Variants in PDE6B observed in about 807,000 individuals in gnomAD.
PDE6B encodes the protein phosphodiesterase 6B, also known as rod cGMP-specific 3',5'-cyclic phosphodiesterase subunit beta.
In PDE6B, 106 loss-of-function variants were observed where a neutral mutation model predicts 109.0. The ratio of observed to expected loss-of-function variants is 0.97; its 90% CI spans 0.83 to 1.14. The LOEUF (loss-of-function observed/expected upper bound fraction) is 1.14. PDE6B is among the 50% of genes most tolerant of loss of function. The probability of loss-of-function intolerance (pLI) is 0.00; values close to 1 mark genes in which losing one functional copy is unlikely to be tolerated. For missense variants in PDE6B, 1,193 were observed against 1,155.6 expected (o/e 1.03, Z -0.47); for synonymous variants, 490 against 471.3 (o/e 1.04, Z -0.51).
intron 3 of PDE6B, among the ~76,000 whole-genome samples, chr4:650,063 C>A (rs905417764): frequency 6.6e-6 from 1 of 152,158 alleles, no homozygotes; most frequent in Non-Finnish European, 1.5e-5. Context: ...CCAGGCTGCT[C>A]GAACCATCCC....
Position 625,883 on chromosome 4 carries a change from T to A in PDE6B, c.257T>A (p.Leu86His). 6.2e-7 allele frequency: 1 copy of A among 1,606,686 alleles called. No individual in the cohort carries two copies. Among genetic ancestry groups the A allele is most frequent in the Non-Finnish European group, 8.5e-7 (1 of 1,177,282 alleles). Reference protein sequence around the residue: ...VFKVLRRLCTLLQADRCSLFM... With the variant: ...VFKVLRRLCTHLQADRCSLFM... ...AAGGTCCTGCGGCGCCTCTGCACCC[T>A]CCTGCAGGCCGACCGCTGCAGCCTC... The change falls in exon 1 of 22, where the codon CTC becomes CAC. Residue 86 changes from leucine (L) to histidine (H), a missense_variant. Physicochemically the swap from Leu to His is moderately conservative, Grantham distance 99. Transcript: ENST00000496514. This position sits in a 1 kb window ranked among gnomAD's most constrained non-coding sequence, Gnocchi z 5.0.
At chr4:631,326 C>A (rs1734372735) in intron 1 of PDE6B, among the ~76,000 whole-genome samples, 1 of 152,200 alleles carries the variant, frequency 6.6e-6, no homozygotes, top group Non-Finnish European at 1.5e-5. Context: ...ACAAAGCTGG[C>A]AAGAGAAGTG....
At chr4:659,695 C>T (rs913022708) in intron 11 of PDE6B, among the ~76,000 whole-genome samples, 1 of 144,496 alleles carries the variant, frequency 6.9e-6, no homozygotes, top group Non-Finnish European at 1.5e-5. Flanking sequence ...TGCACATGGG[C>T]GTTTGTGTGT....
chr4:644,373 T>G (rs1735098937), intron 3 of PDE6B, among the ~76,000 whole-genome samples: 1 of 152,188 alleles, frequency 6.6e-6, no homozygotes, highest in African/African-American at 2.4e-5. Flanking sequence ...TATTTTTATT[T>G]TCAAAATTTT....
At chr4:634,041 G>A (rs938666153) in intron 1 of PDE6B, among the ~76,000 whole-genome samples, 2 of 151,982 alleles carry the variant, frequency 1.3e-5, no homozygotes, top group Non-Finnish European at 2.9e-5. Flanking sequence ...GGCAGGCAAA[G>A]TTCTCATCAC....
rs952572027 is a variant in PDE6B, at chr4:666,094, G to T, written c.2269-437G>T. On this transcript the variant is annotated intron_variant, in intron 19 of 21. Coordinates refer to ENST00000496514, the MANE Select transcript of PDE6B (RefSeq NM_000283.4). The surrounding 1 kb of genome is among the most constrained non-coding windows in gnomAD (Gnocchi z 5.6). ...GGGACGGACAGCCCAGGGCACTCGGGGTCTGACACTAGAAACAGCTCCAGA... is the reference window on the plus strand; with the variant it reads ...GGGACGGACAGCCCAGGGCACTCGGTGTCTGACACTAGAAACAGCTCCAGA... Among the ~76,000 whole-genome samples the T allele has an allele frequency of 6.6e-6, 1 of 152,144 alleles. No individual in the cohort carries two copies. Among genetic ancestry groups the T allele is most frequent in the Non-Finnish European group, 1.5e-5 (1 of 68,016 alleles).
In PDE6B at chr4:660,530, T is replaced by G. The variant is rs746510596; in HGVS notation, c.1531T>G (p.Cys511Gly). 4.3e-6 allele frequency: 7 copies of G among 1,613,396 alleles called. No homozygotes were observed. The African/African-American group carries it at 9.4e-5, about 22-fold the overall frequency. ...IYEFHFSDLECTELDLVKCGI... is the reference protein window; with the variant it reads ...IYEFHFSDLEGTELDLVKCGI... ...CGAATTCCACTTCTCTGACCTGGAGTGCACCGAACTGGACCTGGTCAAATG... is the reference window on the plus strand; with the variant it reads ...CGAATTCCACTTCTCTGACCTGGAGGGCACCGAACTGGACCTGGTCAAATG... Residue 511 changes from cysteine (C) to glycine (G), a missense_variant, in exon 12 of 22, where the codon TGC (cysteine) becomes GGC (glycine). Transcript: ENST00000496514.
Position 664,096 on chromosome 4 carries a change from C to T in PDE6B, c.2022-18C>T. 1 of 1,551,752 alleles carries T rather than the reference C, an allele frequency of 6.4e-7. No homozygotes were observed. The highest frequency in any genetic ancestry group is 1.4e-5 in the African/African-American group (1 of 73,806). On this transcript the variant is annotated intron_variant, in intron 16 of 21. Coordinates refer to ENST00000496514, the MANE Select transcript of PDE6B (RefSeq NM_000283.4). ...CACACTTGCTCCCACCTGCACCTCC[C>T]TTGTTCCCTGGGTTCAGGAAGAGAG...
At chr4:654,247 G>T (rs1414347548) in intron 5 of PDE6B, 93 bp downstream of exon 5, 1 of 1,174,484 alleles carries the variant, frequency 8.5e-7, no homozygotes. Flanking sequence ...TAGGGGTGGG[G>T]TTTAGGGAGG....
At position 653,879 on chromosome 4, in the gene PDE6B, T is replaced by A. The variant is rs780521818; in HGVS notation, c.739T>A (p.Phe247Ile). 23 of 1,613,566 alleles carry A rather than the reference T, an allele frequency of 1.4e-5. No individual in the cohort carries two copies. The highest frequency in any genetic ancestry group is 1.9e-5 in the Non-Finnish European group (23 of 1,180,000). Reference sequence around the variant, plus strand: ...GCTGCTGTGGTCGGCCAACAAGGTGTTTGAGGAGCTGACGGACATCGAGAG... The same window carrying A: ...GCTGCTGTGGTCGGCCAACAAGGTGATTGAGGAGCTGACGGACATCGAGAG... ...QVLLWSANKVFEELTDIERQF... is the reference protein window; with the variant it reads ...QVLLWSANKVIEELTDIERQF... The change falls in exon 4 of 22, where the codon TTT becomes ATT. Residue 247 changes from phenylalanine (F) to isoleucine (I), a missense_variant. By Grantham distance (21) the Phe-to-Ile change is conservative. Transcript: ENST00000496514.
chr4:660,275 G>A (rs1177831633), intron 11 of PDE6B, among the ~76,000 whole-genome samples, 192 bp from the exon 12 acceptor site: 1 of 152,234 alleles, frequency 6.6e-6, no homozygotes, highest in African/African-American at 2.4e-5. Flanking sequence ...GGTACAAGAG[G>A]GGAGAGTGAG....
chr4:628,800 T>C (rs989094452), intron 1 of PDE6B, among the ~76,000 whole-genome samples: 15 of 152,202 alleles, frequency 9.9e-5, no homozygotes, highest in African/African-American at 3.1e-4. Context: ...TGGGACCAGC[T>C]TCTGGGAGGT....
intron 11 of PDE6B, 148 bp from the exon 12 acceptor site, chr4:660,319 T>G: frequency 1.2e-6 from 1 of 806,466 alleles, no homozygotes; most frequent in Non-Finnish European, 2.1e-6. Context: ...CAGCCTGGGA[T>G]ACAGGCTGGA....
rs1488407434 is a variant in PDE6B, at chr4:662,772, T to G, written c.1832+154T>G. Among the ~76,000 whole-genome samples the G allele has an allele frequency of 6.6e-6, 1 of 151,416 alleles. No individual in the cohort carries two copies. Among genetic ancestry groups the G allele is most frequent in the East Asian group, 2.0e-4 (1 of 5,126 alleles). On this transcript the variant is annotated intron_variant, in intron 14 of 21. Coordinates refer to ENST00000496514, the MANE Select transcript of PDE6B (RefSeq NM_000283.4). The surrounding 1 kb of genome is among the most constrained non-coding windows in gnomAD (Gnocchi z 4.3). ...TGGGAGGCCAAGGCGAGGGGATTGC[T>G]TGAGCCCAGGAGTTCGAGACCAGCC...
rs530205752 is a variant in PDE6B at position 647,615 on chromosome 4, C to T, written c.712-6237C>T. Among the ~76,000 whole-genome samples the T allele has an allele frequency of 4.6e-4, 70 of 152,128 alleles. 1 individual carries two copies. Among genetic ancestry groups the T allele is most frequent in the Middle Eastern group, 3.4e-3 (1 of 294 alleles). ...GTCCTCGTCCCATAAGGGCACGTCT[C>T]GTAGGGGCCCCAGGCTCGTGACCTC... On this transcript the variant is annotated intron_variant, in intron 3 of 21. Coordinates refer to ENST00000496514, the MANE Select transcript of PDE6B (RefSeq NM_000283.4).
intron 3 of PDE6B, among the ~76,000 whole-genome samples, chr4:646,732 C>A (rs1326551386): frequency 6.6e-6 from 1 of 152,062 alleles, no homozygotes; most frequent in East Asian, 1.9e-4. Flanking sequence ...GTTTCCACCT[C>A]GCATTTCCTG....
chr4:632,580 G>A (rs889345457), intron 1 of PDE6B, among the ~76,000 whole-genome samples: 4 of 150,172 alleles, frequency 2.7e-5, no homozygotes, highest in African/African-American at 9.9e-5. Context: ...GGGGATCTGT[G>A]TGGTGCTGTC....
In PDE6B at chr4:625,635, CAGTG is replaced by C; in HGVS notation, c.12_15del (p.Ser4ArgfsTer23). ...AGGGACAGGCAGCCACCATGAGCCT[CAGTG>C]AGGAGCAGGCCCGGAGCTTTCTGGA... On this transcript the variant is annotated frameshift_variant, in exon 1 of 22. Coordinates refer to ENST00000496514, the MANE Select transcript of PDE6B (RefSeq NM_000283.4). LOFTEE classifies it high-confidence loss of function. This position sits in a 1 kb window ranked among gnomAD's most constrained non-coding sequence, Gnocchi z 5.0. 2 of 1,612,202 alleles carry C rather than the reference CAGTG, an allele frequency of 1.2e-6. No individual in the cohort carries two copies. Among genetic ancestry groups the C allele is most frequent in the South Asian group, 1.1e-5 (1 of 91,048 alleles).
At chr4:669,397 C>CA (rs1738214244) in intron 21 of PDE6B, among the ~76,000 whole-genome samples, 1 of 129,880 alleles carries the variant, frequency 7.7e-6, no homozygotes, top group Non-Finnish European at 1.6e-5. Context: ...ATGCTATCCC[C>CA]CTACCCCATG....
Sources: allele counts gnomAD v4.1 joint callset (sites outside exome capture counted in the v4.1 genomes callset), GRCh38; gene constraint gnomAD v4.1.1; non-coding constraint Gnocchi (gnomAD v3.1); transcripts MANE v1.5; gene names NCBI Gene and HGNC (gene_info 2026-07-23, HGNC 2026-07-21).